MRPS31: variants seen among roughly 807,000 people sequenced by gnomAD.
MRPS31 encodes the protein mitochondrial ribosomal protein S31, also known as small ribosomal subunit protein mS31.
A neutral mutation model predicts 43.1 loss-of-function variants in MRPS31; 32 were observed. The observed-to-expected ratio is 0.74, with a 90% confidence interval of 0.56 to 1.00. The LOEUF (loss-of-function observed/expected upper bound fraction) is 1.00. Among genes scored for constraint, MRPS31 ranks in the 50% least tolerant of loss-of-function variants. The pLI, the probability that MRPS31 is intolerant of heterozygous loss-of-function variation, is 0.00. For missense variants in MRPS31, 437 were observed against 466.7 expected (o/e 0.94, Z 0.59); for synonymous variants, 165 against 161.6 (o/e 1.02, Z -0.16).
chr13:40,730,932 T>C (rs1430504371), intron 6 of MRPS31: 1 of 151,840 alleles, frequency 6.6e-6, no homozygotes, highest in African/African-American at 2.4e-5. Context: ...AATACATAAA[T>C]AAGATGGAAT....
intron 4 of MRPS31, 46 bp downstream of exon 4, chr13:40,756,827 A>G: frequency 1.2e-6 from 2 of 1,604,300 alleles, no homozygotes; most frequent in African/African-American, 2.7e-5. Flanking sequence ...GTTAAGGTAA[A>G]AACAAACTAC....
At chr13:40,733,250 T>A (rs2137991488) in intron 6 of MRPS31, among the ~76,000 whole-genome samples, 1 of 152,140 alleles carries the variant, frequency 6.6e-6, no homozygotes, top group Admixed American at 6.6e-5. Context: ...GTGATCCGCC[T>A]GCTTCGGCCT....
chr13:40,749,611 T>A (rs1477049064), intron 5 of MRPS31: 1 of 164,320 alleles, frequency 6.1e-6, no homozygotes, highest in Non-Finnish European at 1.3e-5. Context: ...ATTTTTAAAG[T>A]CTAGCCTGTT....
intron 5 of MRPS31, among the ~76,000 whole-genome samples, chr13:40,753,661 A>G (rs1566108887): frequency 2.0e-5 from 3 of 152,240 alleles, no homozygotes; most frequent in East Asian, 3.8e-4. Flanking sequence ...ATCAGGTAAC[A>G]GTCATCGCGC....
intron 6 of MRPS31, among the ~76,000 whole-genome samples, chr13:40,730,784 T>A: frequency 6.6e-6 from 1 of 151,964 alleles, no homozygotes; most frequent in East Asian, 2.0e-4. Flanking sequence ...TGGCTTGAAC[T>A]CCTGACCTCA....
At chr13:40,737,062 G>C (rs1879934886) in intron 6 of MRPS31, among the ~76,000 whole-genome samples, 1 of 151,946 alleles carries the variant, frequency 6.6e-6, no homozygotes, top group Non-Finnish European at 1.5e-5. Context: ...ACACACATAG[G>C]CTCAAAATAA....
At chr13:40,756,744 G>A in intron 4 of MRPS31, 129 bp downstream of exon 4, 1 of 1,055,616 alleles carries the variant, frequency 9.5e-7, no homozygotes, top group South Asian at 1.4e-5. Flanking sequence ...TAAGAACACA[G>A]ATGTAAATGT....
intron 2 of MRPS31, among the ~76,000 whole-genome samples, chr13:40,764,298 G>A (rs1880782862): frequency 6.6e-6 from 1 of 152,038 alleles, no homozygotes; most frequent in Non-Finnish European, 1.5e-5. Context: ...CACATCCTCC[G>A]AATACTTTTA....
chr13:40,739,235 T>C (rs1593443101), intron 6 of MRPS31, among the ~76,000 whole-genome samples: 2 of 152,098 alleles, frequency 1.3e-5, no homozygotes, highest in African/African-American at 2.4e-5. Context: ...TTACAAGGGA[T>C]GTAAAGGACC....
intron 6 of MRPS31, among the ~76,000 whole-genome samples, chr13:40,738,094 G>A (rs1227789439): frequency 9.2e-5 from 14 of 152,044 alleles, no homozygotes; most frequent in African/African-American, 2.7e-4. Context: ...AATAAAAAAC[G>A]ATAAAGGGGA....
At chr13:40,745,669 C>A (rs1391040625) in intron 6 of MRPS31, among the ~76,000 whole-genome samples, 1 of 152,112 alleles carries the variant, frequency 6.6e-6, no homozygotes, top group Non-Finnish European at 1.5e-5. Flanking sequence ...TTTCACAGTG[C>A]AAATGTCTTA....
rs372525289 is a variant in MRPS31, at chr13:40,769,351, A to G, written c.152+1634T>C. 4.2e-4 allele frequency among the ~76,000 whole-genome samples: 59 copies of G among 139,172 alleles called. No individual in the cohort carries two copies. In the East Asian group the frequency reaches 9.6e-3, roughly 23 times the overall value. 91.3% of individuals were successfully genotyped at this position (139,172 alleles called of 152,430 possible). A position where few individuals can be genotyped will look rare whatever the true frequency, so the allele number is the denominator to read the frequency against. On this transcript the variant is annotated intron_variant, in intron 1 of 6. Coordinates refer to ENST00000323563, the MANE Select transcript of MRPS31 (RefSeq NM_005830.4). ...AGATCACACACTGCACTCCAGCCTAAGCGACAGAGCAAGACTCTGTCCATA... is the reference window on the plus strand; with the variant it reads ...AGATCACACACTGCACTCCAGCCTAGGCGACAGAGCAAGACTCTGTCCATA...
chr13:40,737,506 A>G (rs1879955964), intron 6 of MRPS31, among the ~76,000 whole-genome samples: 1 of 152,102 alleles, frequency 6.6e-6, no homozygotes, highest in Non-Finnish European at 1.5e-5. Context: ...CACCACACCT[A>G]TTCCAAAATT....
In MRPS31 at chr13:40,729,446, G is replaced by A; in HGVS notation, c.1114C>T (p.His372Tyr). The stretch of plus-strand genomic sequence containing the variant: ...AAATAATTTCTAAACCACTCTATGT[G>A]TTCAACCTTCTGTTTAACACTAAGA... ...PYLSVKQKVE[H>Y]IEWFRNYFNE... Residue 372 changes from histidine to tyrosine, a missense_variant, in exon 7 of 7, where the codon CAC becomes TAC. Coordinates refer to ENST00000323563, the MANE Select transcript of MRPS31 (RefSeq NM_005830.4). 6.2e-7 allele frequency: 1 copy of A among 1,603,292 alleles called. No individual in the cohort carries two copies. The highest frequency in any genetic ancestry group is 2.2e-5 in the East Asian group (1 of 44,780).
rs555481843 is a variant in MRPS31, at chr13:40,744,373, A to T, written c.958+4765T>A. On this transcript the variant is annotated intron_variant, in intron 6 of 6. Transcript: ENST00000323563. ...AAATTAAAGTTGGAAATAAAAAAAT[A>T]GGAAGAAAACACAAATTAGAGACAC... Among the ~76,000 whole-genome samples the T allele has an allele frequency of 2.0e-5, 3 of 152,350 alleles. No individual in the cohort carries two copies. The South Asian group carries it at 6.2e-4, about 32-fold the overall frequency.
At chr13:40,758,868 T>A in intron 3 of MRPS31, 80 bp downstream of exon 3, 1 of 1,246,742 alleles carries the variant, frequency 8.0e-7, no homozygotes, top group East Asian at 2.7e-5. Flanking sequence ...GTATATATTA[T>A]GTGTATTACT....
chr13:40,760,957 A>G (rs1312138036), intron 2 of MRPS31, among the ~76,000 whole-genome samples: 2 of 152,174 alleles, frequency 1.3e-5, no homozygotes, highest in Non-Finnish European at 1.5e-5. Context: ...CTAAAATCTG[A>G]TAGGAATAGA....
intron 6 of MRPS31, among the ~76,000 whole-genome samples, chr13:40,732,069 C>T (rs1879716252): frequency 6.6e-6 from 1 of 152,176 alleles, no homozygotes; most frequent in Non-Finnish European, 1.5e-5. Flanking sequence ...CAAATTAAAC[C>T]TCTATTTGCT....
chr13:40,755,418 G>C (rs1404776271), intron 4 of MRPS31, among the ~76,000 whole-genome samples: 3 of 152,228 alleles, frequency 2.0e-5, no homozygotes, highest in Admixed American at 6.5e-5. Flanking sequence ...CACCTACTAT[G>C]TACCAGATAG....
Sources: gnomAD v4.1 joint callset for allele counts (sites outside exome capture counted in the v4.1 genomes callset) on GRCh38, gnomAD v4.1.1 for gene constraint, MANE v1.5 for transcripts, NCBI Gene and HGNC (gene_info 2026-07-23, HGNC 2026-07-21) for gene names.